The following ZNF469 variants were observed in gnomAD, a reference collection of about 807,000 sequenced individuals.
The protein encoded by ZNF469 is zinc finger protein 469.
A neutral mutation model predicts 1.0 loss-of-function variants in ZNF469; 1 was observed. The ratio of observed to expected loss-of-function variants is 1.00; its 90% CI spans 0.35 to 4.73. The LOEUF is 4.73. Among genes scored for constraint, ZNF469 ranks in the 30% most tolerant of loss-of-function variants. The probability of loss-of-function intolerance (pLI) is 0.16; values close to 1 mark genes in which losing one functional copy is unlikely to be tolerated. For synonymous variants in ZNF469, 2,703 were observed against 2,363.4 expected, an observed-to-expected ratio of 1.14 and a Z score of -4.17; for missense variants, 6,100 against 5,356.3, an observed-to-expected ratio of 1.14 and a Z score of -4.33.
At chr16:88,398,240 CCA>C (rs141003317) in intron 1 of ZNF469, among the ~76,000 whole-genome samples, 17,413 of 152,194 alleles carry the variant, frequency 0.11, 1,205 homozygotes, top group African/African-American at 0.19. Context: ...TGTGTTCAGG[CCA>C]CACACGCAAG....
chr16:88,191,984 G>A, the ZNF469 span, among the ~76,000 whole-genome samples: 1 of 152,208 alleles, frequency 6.6e-6, no homozygotes, highest in Non-Finnish European at 1.5e-5. Context: ...GGGTGATTAA[G>A]TTTAGATGAG....
At chr16:88,118,572 G>A in the ZNF469 span, among the ~76,000 whole-genome samples, 1 of 152,176 alleles carries the variant, frequency 6.6e-6, no homozygotes, top group African/African-American at 2.4e-5. Flanking sequence ...GGCGCGCAGG[G>A]GTCAGGCACA....
the ZNF469 span, among the ~76,000 whole-genome samples, chr16:88,310,905 A>G: frequency 1.3e-5 from 2 of 152,022 alleles, no homozygotes; most frequent in Non-Finnish European, 2.9e-5. Flanking sequence ...TCCACATCTC[A>G]CCCTCTCACG....
At chr16:88,247,793 ATGAGTGAATGAGTGAGTGAG>A in the ZNF469 span, among the ~76,000 whole-genome samples, 18 of 149,468 alleles carry the variant, frequency 1.2e-4, no homozygotes, top group African/African-American at 3.5e-4. Context: ...GAGTGAGTAA[ATGAGTGAATGAGTGAGTGAG>A]TGAGTGAATG....
the ZNF469 span, among the ~76,000 whole-genome samples, chr16:88,103,225 C>T: frequency 2.0e-5 from 3 of 152,132 alleles, no homozygotes; most frequent in Non-Finnish European, 4.4e-5. Context: ...TGGCCTCTCG[C>T]CCAGTGTGGT....
intron 1 of ZNF469, among the ~76,000 whole-genome samples, chr16:88,401,471 A>G (rs1599350542): frequency 1.7e-5 from 1 of 58,444 alleles, no homozygotes; most frequent in African/African-American, 5.9e-5. Flanking sequence ...GGGTGGGCAG[A>G]TGGATGGATG....
the ZNF469 span, among the ~76,000 whole-genome samples, chr16:88,108,974 G>A: frequency 2.6e-5 from 4 of 152,298 alleles, no homozygotes; most frequent in East Asian, 1.9e-4. Context: ...GCCAAGTCAC[G>A]CCACATTCAT....
the ZNF469 span, among the ~76,000 whole-genome samples, chr16:88,301,711 G>A: frequency 6.6e-6 from 1 of 152,178 alleles, no homozygotes; most frequent in African/African-American, 2.4e-5. Context: ...TATGGGGCAG[G>A]GCCAGCTTTG....
the ZNF469 span, among the ~76,000 whole-genome samples, chr16:88,193,054 GTGA>G: frequency 3.1e-5 from 3 of 96,372 alleles, no homozygotes; most frequent in African/African-American, 7.7e-5. Context: ...GGTGATGATG[GTGA>G]TGGTGGTGAT....
At chr16:88,229,538 C>T in the ZNF469 span, among the ~76,000 whole-genome samples, 19 of 149,410 alleles carry the variant, frequency 1.3e-4, no homozygotes, top group African/African-American at 2.8e-4. Flanking sequence ...GCTGATGTCA[C>T]GCGTGTGGAT....
the ZNF469 span, among the ~76,000 whole-genome samples, chr16:88,154,517 G>A: frequency 6.6e-6 from 1 of 152,186 alleles, no homozygotes; most frequent in East Asian, 1.9e-4. Flanking sequence ...TGGTACCATC[G>A]TAGAAAGTTC....
At chr16:88,212,459 C>T in the ZNF469 span, among the ~76,000 whole-genome samples, 2 of 152,120 alleles carry the variant, frequency 1.3e-5, no homozygotes, top group African/African-American at 4.8e-5. Flanking sequence ...TCAGTGGTAT[C>T]CCTGAATTTT....
At chr16:88,247,083 ATGAC>A in the ZNF469 span, among the ~76,000 whole-genome samples, 188 of 148,824 alleles carry the variant, frequency 1.3e-3, no homozygotes, top group Admixed American at 2.7e-3. Flanking sequence ...GAGTGAGTGA[ATGAC>A]TGAGTGAACG....
At chr16:88,330,202 G>T in the ZNF469 span, among the ~76,000 whole-genome samples, 2 of 152,250 alleles carry the variant, frequency 1.3e-5, no homozygotes, top group African/African-American at 4.8e-5. Flanking sequence ...TGTTTCCTGT[G>T]AATGCACTTG....
At chr16:88,205,957 G>T in the ZNF469 span, among the ~76,000 whole-genome samples, 1 of 110,144 alleles carries the variant, frequency 9.1e-6, no homozygotes, top group African/African-American at 3.8e-5. This position sits in a 1 kb window ranked among gnomAD's most constrained non-coding sequence, Gnocchi z 4.2. Flanking sequence ...TTCAGAGGAA[G>T]GGGGGGGCCC....
chr16:88,402,803 C>T (rs561550469), intron 1 of ZNF469, among the ~76,000 whole-genome samples: 1 of 152,316 alleles, frequency 6.6e-6, no homozygotes, highest in East Asian at 1.9e-4. Context: ...CACTGAACTC[C>T]CTTATGCACT....
chr16:88,223,953 G>A, the ZNF469 span, among the ~76,000 whole-genome samples: 5 of 152,234 alleles, frequency 3.3e-5, no homozygotes, highest in Non-Finnish European at 2.9e-5. Flanking sequence ...ATGAACGAGC[G>A]GAGGAATGGG....
chr16:88,423,761 C>G (rs781588134), intron 1 of ZNF469, among the ~76,000 whole-genome samples: 1 of 152,178 alleles, frequency 6.6e-6, no homozygotes, highest in Admixed American at 6.5e-5. Flanking sequence ...GGCCTCTCCA[C>G]GGGGCTGCTT....
the ZNF469 span, among the ~76,000 whole-genome samples, chr16:88,103,272 G>A: frequency 1.3e-5 from 2 of 152,186 alleles, no homozygotes; most frequent in Non-Finnish European, 2.9e-5. Flanking sequence ...GCCGCCCTTC[G>A]GCTCTGGTCC....
Sources: gnomAD v4.1 joint callset for allele counts (sites outside exome capture counted in the v4.1 genomes callset) on GRCh38, gnomAD v4.1.1 for gene constraint, Gnocchi (gnomAD v3.1) non-coding constraint, MANE v1.5 for transcripts, NCBI Gene and HGNC (gene_info 2026-07-23, HGNC 2026-07-21) for gene names.